Variants in SRP19 observed in about 807,000 individuals in gnomAD.
SRP19 encodes the protein signal recognition particle 19, also known as signal recognition particle 19 kDa protein.
A neutral mutation model predicts 22.4 loss-of-function variants in SRP19; 11 were observed. The observed-to-expected ratio is 0.49, with a 90% CI of 0.31 to 0.81. The LOEUF (loss-of-function observed/expected upper bound fraction) is 0.81. SRP19 is among the 40% of genes least tolerant of loss of function. The pLI, the probability that SRP19 is intolerant of heterozygous loss-of-function variation, is 0.05. For missense variants in SRP19, 168 were observed against 175.9 expected, an observed-to-expected ratio of 0.96 and a Z score of 0.25; for synonymous variants, 61 against 57.6, an observed-to-expected ratio of 1.06 and a Z score of -0.27.
At chr5:112,878,824 T>A (rs1767975554) in intron 4 of SRP19, 1 of 1,614,160 alleles carries the variant, frequency 6.2e-7, no homozygotes, top group Non-Finnish European at 8.5e-7. Context: ...AAATTCACGG[T>A]AGCTTTCTTC....
At chr5:112,864,980 C>G (rs888378849) in intron 4 of SRP19, 28 of 309,954 alleles carry the variant, frequency 9.0e-5, no homozygotes, top group African/African-American at 3.4e-4. Context: ...TTATAAACCT[C>G]TGGAAGTCTG....
downstream of SRP19, among the ~76,000 whole-genome samples, chr5:112,873,800 C>G (rs1053909561): frequency 6.6e-6 from 1 of 151,470 alleles, no homozygotes; most frequent in Admixed American, 6.6e-5. Flanking sequence ...TTATTTTGAT[C>G]CCTATCATGT....
intron 2 of SRP19, 35 bp downstream of exon 2, chr5:112,862,618 G>C: frequency 6.3e-7 from 1 of 1,589,808 alleles, no homozygotes; most frequent in Non-Finnish European, 8.6e-7. Flanking sequence ...ATCCTCGAGG[G>C]AATGGGGGGT....
chr5:112,889,147 A>G (rs1269591921), intron 4 of SRP19, among the ~76,000 whole-genome samples: 3 of 150,726 alleles, frequency 2.0e-5, no homozygotes, highest in South Asian at 2.1e-4. Flanking sequence ...TCCTTTATAA[A>G]TTGCCCAGTC....
intron 2 of SRP19, 144 bp downstream of exon 2, chr5:112,862,727 G>A (rs1009631623): frequency 5.7e-6 from 4 of 696,976 alleles, no homozygotes; most frequent in South Asian, 3.5e-5. Flanking sequence ...ATTGGGGTGC[G>A]TTCCTCAGTG....
chr5:112,896,026 T>C (rs1029237530), downstream of SRP19: 1 of 152,500 alleles, frequency 6.6e-6, no homozygotes, highest in African/African-American at 2.4e-5. Context: ...CATGTGATTT[T>C]CCCCCAGAAG....
chr5:112,892,166 A>G (rs753636327), exon 5 of SRP19: 7 of 1,614,212 alleles, frequency 4.3e-6, no homozygotes, highest in Non-Finnish European at 5.9e-6. Flanking sequence ...GATCGAGCTA[A>G]TTGTCCCTTC....
chr5:112,887,033 C>A (rs777460816), intron 4 of SRP19: 1 of 1,609,358 alleles, frequency 6.2e-7, no homozygotes, highest in East Asian at 2.2e-5. Context: ...GTGATGGCAT[C>A]TGCAGTCTCT....
chr5:112,887,389 G>A (rs559131632), intron 4 of SRP19, among the ~76,000 whole-genome samples: 7 of 152,296 alleles, frequency 4.6e-5, no homozygotes, highest in African/African-American at 1.7e-4. Flanking sequence ...GAAAAGCTGA[G>A]ACTAAAAAAC....
chr5:112,861,932 A>C (rs1767413890), intron 1 of SRP19, among the ~76,000 whole-genome samples: 1 of 152,172 alleles, frequency 6.6e-6, no homozygotes, highest in African/African-American at 2.4e-5. Flanking sequence ...TTTTTAAATA[A>C]GTTAAAGTGA....
intron 4 of SRP19, among the ~76,000 whole-genome samples, chr5:112,891,201 TA>T (rs1768434906): frequency 6.6e-6 from 1 of 152,102 alleles, no homozygotes; most frequent in Admixed American, 6.5e-5. Flanking sequence ...GCCTCCCAAG[TA>T]GCTGGGATTA....
At chr5:112,862,621 TG>T (rs747706638) in intron 2 of SRP19, 38 bp downstream of exon 2, 19 of 1,585,094 alleles carry the variant, frequency 1.2e-5, no homozygotes, top group East Asian at 9.0e-5. Context: ...CTCGAGGGAA[TG>T]GGGGGTGTCA....
At chr5:112,878,596 G>A in intron 4 of SRP19, 1 of 824,186 alleles carries the variant, frequency 1.2e-6, no homozygotes, top group Non-Finnish European at 1.8e-6. Flanking sequence ...ACTGCATTAA[G>A]TTTAAAGTGC....
intron 4 of SRP19, among the ~76,000 whole-genome samples, chr5:112,881,385 G>C (rs540693564): frequency 6.6e-6 from 1 of 152,210 alleles, no homozygotes; most frequent in East Asian, 1.9e-4. Flanking sequence ...AACTACCACA[G>C]AGCTCTAAAA....
At chr5:112,862,817 G>C (rs1274716504) in intron 2 of SRP19, among the ~76,000 whole-genome samples, 2 of 152,146 alleles carry the variant, frequency 1.3e-5, no homozygotes, top group Admixed American at 6.5e-5. Flanking sequence ...TGTTTGTAAA[G>C]GAGTGGGGGC....
chr5:112,893,789 A>C (rs1420245182), downstream of SRP19: 3 of 152,282 alleles, frequency 2.0e-5, no homozygotes, highest in Non-Finnish European at 4.4e-5. Flanking sequence ...AAGCACTCCA[A>C]GGAAGCCAGC....
intron 4 of SRP19, chr5:112,877,204 A>G (rs1767923712): frequency 6.6e-6 from 1 of 152,218 alleles, no homozygotes; most frequent in South Asian, 2.1e-4. Flanking sequence ...TATTAGAGTG[A>G]TACTGTCACT....
chr5:112,890,392 AG>A (rs1768401771), intron 4 of SRP19, among the ~76,000 whole-genome samples: 5 of 149,734 alleles, frequency 3.3e-5, no homozygotes, highest in Non-Finnish European at 5.9e-5. Context: ...TAAATAAAAA[AG>A]GGTTTCACTT....
chr5:112,896,000 C>T (rs890973253), downstream of SRP19: 1 of 152,414 alleles, frequency 6.6e-6, no homozygotes, highest in East Asian at 1.9e-4. Context: ...TCCGTCTGTG[C>T]TTCTAATGCT....
Sources: gnomAD v4.1 joint callset for allele counts (sites outside exome capture counted in the v4.1 genomes callset) on GRCh38, gnomAD v4.1.1 for gene constraint, MANE v1.5 for transcripts, NCBI Gene and HGNC (gene_info 2026-07-23, HGNC 2026-07-21) for gene names.